The following OSBP2 variants were observed in gnomAD, a reference collection of about 807,000 sequenced individuals.
OSBP2 encodes the protein oxysterol-binding protein 2.
OSBP2 carries 66 observed loss-of-function variants against 96.0 expected under a neutral mutation model. That is an observed-to-expected ratio of 0.69 (90% CI 0.56 to 0.84). The LOEUF is 0.84. Ranked by LOEUF, OSBP2 falls within the 40% of genes least tolerant of loss-of-function variation. The probability of loss-of-function intolerance (pLI) is 0.00; values close to 1 mark genes in which losing one functional copy is unlikely to be tolerated. For synonymous variants in OSBP2, 525 were observed against 520.9 expected, an observed-to-expected ratio of 1.01 and a Z score of -0.11; for missense variants, 1,038 against 1,222.7, an observed-to-expected ratio of 0.85 and a Z score of 2.25.
At chr22:30,776,835 C>T (rs944499896) in intron 2 of OSBP2, among the ~76,000 whole-genome samples, 2 of 152,206 alleles carry the variant, frequency 1.3e-5, no homozygotes, top group Admixed American at 6.5e-5. Flanking sequence ...AAAAGTACCA[C>T]TACTGCCTAA....
intron 2 of OSBP2, among the ~76,000 whole-genome samples, chr22:30,843,874 T>A (rs1179150841): frequency 7.8e-6 from 1 of 128,930 alleles, no homozygotes; most frequent in Non-Finnish European, 1.6e-5. Flanking sequence ...TCTCAAACAA[T>A]TTTTTTTTTT....
intron 1 of OSBP2, among the ~76,000 whole-genome samples, chr22:30,719,170 C>A (rs2089507356): frequency 6.6e-6 from 1 of 151,918 alleles, no homozygotes; most frequent in Admixed American, 6.6e-5. Flanking sequence ...CAACATTATC[C>A]CTGGCTTCAG....
At chr22:30,805,507 T>C (rs1201382909) in intron 2 of OSBP2, among the ~76,000 whole-genome samples, 1 of 152,258 alleles carries the variant, frequency 6.6e-6, no homozygotes, top group Non-Finnish European at 1.5e-5. Context: ...TATAAGCCTC[T>C]GTTTTATCAT....
At chr22:30,851,840 T>G (rs948068552) in intron 2 of OSBP2, among the ~76,000 whole-genome samples, 1 of 152,194 alleles carries the variant, frequency 6.6e-6, no homozygotes, top group Non-Finnish European at 1.5e-5. Context: ...TCCTTCTTCC[T>G]AGTTTTCTGT....
chr22:30,853,541 G>A (rs2039016313), intron 2 of OSBP2, among the ~76,000 whole-genome samples: 1 of 152,050 alleles, frequency 6.6e-6, no homozygotes, highest in South Asian at 2.1e-4. Flanking sequence ...ATATTTAAAG[G>A]AGTTTTATTC....
rs1365528572 is a variant in OSBP2 at position 30,893,255 on chromosome 22, C to A, written c.1990+13C>A. On this transcript the variant is annotated intron_variant, in intron 9 of 13. Coordinates refer to ENST00000332585, the MANE Select transcript of OSBP2 (RefSeq NM_030758.4). ...ATCATGCCGCTAGGTGAGCTGGGGC[C>A]CGGTGCCTTCCTGGGACACAGAGAC... 6.2e-7 allele frequency: 1 copy of A among 1,613,906 alleles called. No homozygotes were observed. Among genetic ancestry groups the A allele is most frequent in the South Asian group, 1.1e-5 (1 of 91,074 alleles).
chr22:30,869,303 A>G (rs941845148), intron 2 of OSBP2, among the ~76,000 whole-genome samples: 1 of 152,196 alleles, frequency 6.6e-6, no homozygotes, highest in African/African-American at 2.4e-5. Context: ...CAGTGTGGGT[A>G]TGACTTCACC....
chr22:30,775,275 A>G (rs2090415371), intron 2 of OSBP2, among the ~76,000 whole-genome samples: 1 of 151,968 alleles, frequency 6.6e-6, no homozygotes, highest in Non-Finnish European at 1.5e-5. Context: ...ATCTGTGCAC[A>G]TTTCACTGTG....
At chr22:30,818,252 G>A (rs1212461545) in intron 2 of OSBP2, among the ~76,000 whole-genome samples, 2 of 151,882 alleles carry the variant, frequency 1.3e-5, no homozygotes, top group South Asian at 2.1e-4. Flanking sequence ...ACTTACAAAT[G>A]TGTTGTGTGA....
intron 2 of OSBP2, among the ~76,000 whole-genome samples, chr22:30,833,274 G>A (rs967098512): frequency 1.3e-5 from 2 of 152,220 alleles, no homozygotes; most frequent in East Asian, 1.9e-4. Flanking sequence ...AATCATCACC[G>A]TTTGGCTGTT....
At chr22:30,837,482 CTTG>C in intron 2 of OSBP2, among the ~76,000 whole-genome samples, 1 of 152,282 alleles carries the variant, frequency 6.6e-6, no homozygotes, top group Middle Eastern at 3.4e-3. Context: ...TTATAGGTAG[CTTG>C]TGGCTTCCAA....
At chr22:30,726,760 C>T (rs951184591) in intron 1 of OSBP2, among the ~76,000 whole-genome samples, 4 of 152,092 alleles carry the variant, frequency 2.6e-5, no homozygotes, top group East Asian at 3.8e-4. Flanking sequence ...TCCTTGTAGT[C>T]GCATTTATTT....
chr22:30,877,300 T>C (rs958027160), intron 3 of OSBP2, among the ~76,000 whole-genome samples: 1 of 152,146 alleles, frequency 6.6e-6, no homozygotes, highest in Non-Finnish European at 1.5e-5. Context: ...GAATTACTGT[T>C]TTGGGTAACT....
rs530445386 is a variant in OSBP2, at chr22:30,885,005, G to A, written c.1108-2421G>A. Among the ~76,000 whole-genome samples, 27 of 152,308 alleles carry A rather than the reference G, an allele frequency of 1.8e-4. 1 individual carries two copies. The highest frequency in any genetic ancestry group is 6.5e-4 in the African/African-American group (27 of 41,572). ...GGAGTGGTGGGAGTTAGTGGTTGTG[G>A]CCTGGGCACCAGGTGCCAGGGCAGA... is the stretch of plus-strand genomic sequence containing the variant. On this transcript the variant is annotated intron_variant, in intron 3 of 13. Transcript: ENST00000332585.
chr22:30,767,790 C>T (rs2090294689), intron 2 of OSBP2, among the ~76,000 whole-genome samples: 1 of 152,178 alleles, frequency 6.6e-6, no homozygotes, highest in Admixed American at 6.5e-5. Context: ...GGAGAGGATC[C>T]GGGCCCTTCT....
chr22:30,872,301 C>T lies in OSBP2; in HGVS notation c.1107+1619C>T, dbSNP rs1234406059. The T allele has an allele frequency of 6.6e-6, 3 of 456,618 alleles. No individual in the cohort carries two copies. The Admixed American group carries it at 7.0e-5, about 11-fold the overall frequency. The allele number at this position is 456,618 out of a possible 1,614,324, so 28.3% of individuals were successfully genotyped here. A position where few individuals can be genotyped will look rare whatever the true frequency, so the allele number is the denominator to read the frequency against. ...AATAATGCGTTTGTATTTCCCTGTC[C>T]CTCCCAGAAGCCACTGCCGGAGGCT... On this transcript the variant is annotated intron_variant, in intron 3 of 13. Transcript: ENST00000332585.
chr22:30,796,184 C>T (rs1229116983), intron 2 of OSBP2, among the ~76,000 whole-genome samples: 3 of 152,110 alleles, frequency 2.0e-5, no homozygotes, highest in Non-Finnish European at 2.9e-5. Flanking sequence ...GGAGGAGAGT[C>T]ACACAAGGCC....
chr22:30,822,512 C>T (rs2038296981), intron 2 of OSBP2: 2 of 1,372,610 alleles, frequency 1.5e-6, no homozygotes, highest in Non-Finnish European at 1.9e-6. Flanking sequence ...GCGCCGGGAC[C>T]CACGAGTGTC....
chr22:30,730,758 CTCTCT>C (rs2089746074), intron 1 of OSBP2, among the ~76,000 whole-genome samples: 2 of 42,922 alleles, frequency 4.7e-5, no homozygotes, highest in Non-Finnish European at 8.9e-5. Flanking sequence ...CTCTCTCTCT[CTCTCT>C]CTCTCTCTCT....
Sources: allele counts gnomAD v4.1 joint callset (sites outside exome capture counted in the v4.1 genomes callset), GRCh38; gene constraint gnomAD v4.1.1; transcripts MANE v1.5; gene names NCBI Gene and HGNC (gene_info 2026-07-23, HGNC 2026-07-21).